GRM3: variants seen among roughly 807,000 people sequenced by gnomAD.
The protein encoded by GRM3 is metabotropic glutamate receptor 3.
In GRM3, 26 loss-of-function variants were observed where a neutral mutation model predicts 70.5. The ratio of observed to expected loss-of-function variants is 0.37; its 90% CI spans 0.27 to 0.51. GRM3 has a LOEUF of 0.51. Ranked by LOEUF, GRM3 falls within the 20% of genes least tolerant of loss-of-function variation. GRM3 has a pLI of 0.93. For synonymous variants in GRM3, 443 were observed against 434.9 expected (o/e 1.02, Z -0.23); for missense variants, 859 against 1,123.8 (o/e 0.76, Z 3.37).
chr7:86,684,436 A>G (rs1314593088), intron 1 of GRM3, among the ~76,000 whole-genome samples: 2 of 152,240 alleles, frequency 1.3e-5, no homozygotes, highest in Non-Finnish European at 2.9e-5. Context: ...ATAAATGTCT[A>G]CAGAATAAAC....
Position 86,676,511 on chromosome 7 carries a change from G to A in GRM3, c.-141+31639G>A, listed in dbSNP as rs184337359. Among the ~76,000 whole-genome samples, 126 of 152,078 alleles carry A rather than the reference G, an allele frequency of 8.3e-4. No individual in the cohort carries two copies. The Middle Eastern group carries it at 0.02, about 25-fold the overall frequency. On this transcript the variant is annotated intron_variant, in intron 1 of 5. Transcript: ENST00000361669. ...ATAAAACTAATAGACATAATAAATT[G>A]TGTTTTAAGGCAGATATAATCTCAT...
At chr7:86,781,402 C>T (rs1797056248) in intron 2 of GRM3, among the ~76,000 whole-genome samples, 1 of 152,182 alleles carries the variant, frequency 6.6e-6, no homozygotes, top group Non-Finnish European at 1.5e-5. Flanking sequence ...CCTTAGATTT[C>T]TGGCACTTGC....
At chr7:86,659,334 C>T (rs559699477) in intron 1 of GRM3, among the ~76,000 whole-genome samples, 4 of 152,224 alleles carry the variant, frequency 2.6e-5, no homozygotes, top group Admixed American at 6.5e-5. Context: ...TGCCAGGCAC[C>T]GTTCCTTTTG....
At chr7:86,826,921 G>T (rs10280726) in intron 3 of GRM3, among the ~76,000 whole-genome samples, 7,678 of 152,138 alleles carry the variant, frequency 0.05, 646 homozygotes, top group African/African-American at 0.18. Context: ...TTAATTGGCC[G>T]GTATTATGAC....
intron 3 of GRM3, among the ~76,000 whole-genome samples, chr7:86,801,661 A>G (rs1353172605): frequency 6.6e-6 from 1 of 152,214 alleles, no homozygotes; most frequent in Non-Finnish European, 1.5e-5. Flanking sequence ...AGTAAGGGCA[A>G]TAAGAGAGTA....
chr7:86,761,814 C>T (rs1796487486), intron 1 of GRM3, among the ~76,000 whole-genome samples: 1 of 152,146 alleles, frequency 6.6e-6, no homozygotes, highest in Non-Finnish European at 1.5e-5. Flanking sequence ...GGCCAAAGAT[C>T]CAGTTTGGAC....
intron 1 of GRM3, among the ~76,000 whole-genome samples, chr7:86,672,649 A>G (rs1379317550): frequency 6.6e-6 from 1 of 151,790 alleles, no homozygotes; most frequent in Non-Finnish European, 1.5e-5. Flanking sequence ...GTGGGGGAAC[A>G]CATCCGGTGT....
At chr7:86,740,522 C>A (rs766037884) in intron 1 of GRM3, among the ~76,000 whole-genome samples, 3 of 152,032 alleles carry the variant, frequency 2.0e-5, no homozygotes, top group Non-Finnish European at 2.9e-5. Flanking sequence ...TAAGCCTAAC[C>A]AGAATAAAAA....
intron 3 of GRM3, among the ~76,000 whole-genome samples, chr7:86,817,157 C>T (rs959535768): frequency 1.4e-5 from 2 of 141,138 alleles, no homozygotes; most frequent in Non-Finnish European, 3.2e-5. Context: ...TAACTTTAAG[C>T]TTCTTCATTA....
intron 3 of GRM3, among the ~76,000 whole-genome samples, chr7:86,797,510 T>C (rs959996813): frequency 3.9e-5 from 6 of 152,210 alleles, no homozygotes; most frequent in Non-Finnish European, 7.3e-5. Flanking sequence ...CAGTTCAAAA[T>C]GTGACTTGGG....
chr7:86,849,511 A>G (rs1423757683), intron 4 of GRM3, among the ~76,000 whole-genome samples: 2 of 152,108 alleles, frequency 1.3e-5, no homozygotes, highest in Non-Finnish European at 2.9e-5. Context: ...GCTTTCCTTG[A>G]TTAGAGAGGA....
intron 5 of GRM3, among the ~76,000 whole-genome samples, chr7:86,853,609 C>T (rs904227672): frequency 2.0e-5 from 3 of 152,178 alleles, no homozygotes; most frequent in East Asian, 1.9e-4. Context: ...TTTCATTGGG[C>T]GATTGTTAAT....
At chr7:86,726,907 G>A (rs1795606237) in intron 1 of GRM3, among the ~76,000 whole-genome samples, 1 of 152,160 alleles carries the variant, frequency 6.6e-6, no homozygotes, top group African/African-American at 2.4e-5. Flanking sequence ...TAAGGAACAA[G>A]TTTGAAATGG....
At chr7:86,667,898 T>C (rs1794069866) in intron 1 of GRM3, among the ~76,000 whole-genome samples, 1 of 152,184 alleles carries the variant, frequency 6.6e-6, no homozygotes, top group South Asian at 2.1e-4. Context: ...ACCCACTCAA[T>C]GAACAGAAGG....
chr7:86,687,951 G>T (rs1275038553), intron 1 of GRM3, among the ~76,000 whole-genome samples: 2 of 151,408 alleles, frequency 1.3e-5, no homozygotes, highest in Non-Finnish European at 3.0e-5. Flanking sequence ...TGAATAAATA[G>T]GAAGCCAGAA....
At chr7:86,826,601 A>T (rs1004423286) in intron 3 of GRM3, among the ~76,000 whole-genome samples, 7 of 152,242 alleles carry the variant, frequency 4.6e-5, no homozygotes, top group African/African-American at 1.7e-4. Context: ...AAACAAGACT[A>T]GGTAATAGTA....
chr7:86,728,909 T>C (rs1406186366), intron 1 of GRM3, among the ~76,000 whole-genome samples: 3 of 152,150 alleles, frequency 2.0e-5, no homozygotes, highest in Non-Finnish European at 4.4e-5. Context: ...TTAATTCCTT[T>C]ATTTCCAGGG....
chr7:86,684,779 G>T (rs1188230585), intron 1 of GRM3, among the ~76,000 whole-genome samples: 1 of 152,152 alleles, frequency 6.6e-6, no homozygotes, highest in Non-Finnish European at 1.5e-5. Context: ...AGATTTCACT[G>T]AATATTAAAT....
At chr7:86,770,040 T>C (rs765668697) in intron 2 of GRM3, among the ~76,000 whole-genome samples, 3 of 152,188 alleles carry the variant, frequency 2.0e-5, no homozygotes, top group Non-Finnish European at 4.4e-5. Context: ...TACATGGTAC[T>C]TGTTTTGAAA....
Sources: allele counts gnomAD v4.1 joint callset (sites outside exome capture counted in the v4.1 genomes callset), GRCh38; gene constraint gnomAD v4.1.1; transcripts MANE v1.5; gene names NCBI Gene and HGNC (gene_info 2026-07-23, HGNC 2026-07-21).